Variants in COL26A1 observed in about 807,000 individuals in gnomAD.
COL26A1 encodes collagen type XXVI alpha 1 chain.
COL26A1 carries 41 observed loss-of-function variants against 59.3 expected under a neutral mutation model. The observed-to-expected ratio is 0.69, with a 90% CI of 0.54 to 0.90. The LOEUF (loss-of-function observed/expected upper bound fraction) is 0.90, where lower values mean the gene tolerates loss of function less well. COL26A1 is among the 40% of genes least tolerant of loss of function. The pLI is 0.00. For missense variants in COL26A1, 612 were observed against 602.3 expected (o/e 1.02, Z -0.17); for synonymous variants, 266 against 256.0 (o/e 1.04, Z -0.37).
At chr7:101,429,429 A>AT (rs139758467) in intron 2 of COL26A1, among the ~76,000 whole-genome samples, 2,636 of 149,666 alleles carry the variant, frequency 0.018, 68 homozygotes, top group African/African-American at 0.062. Flanking sequence ...TCATTTGGAC[A>AT]TTTTTTTTTC....
chr7:101,493,661 G>A (rs755629749), intron 3 of COL26A1, among the ~76,000 whole-genome samples: 3 of 150,204 alleles, frequency 2.0e-5, no homozygotes, highest in Non-Finnish European at 4.4e-5. Context: ...GGTAGCTCAC[G>A]CCTGTAATCC....
chr7:101,536,928 C>T (rs1294246486), intron 4 of COL26A1, among the ~76,000 whole-genome samples: 1 of 152,204 alleles, frequency 6.6e-6, no homozygotes, highest in Non-Finnish European at 1.5e-5. Context: ...TGAGGTGAAG[C>T]ACCCAAACAG....
chr7:101,432,638 A>G (rs1000528705), intron 2 of COL26A1, among the ~76,000 whole-genome samples: 1 of 152,178 alleles, frequency 6.6e-6, no homozygotes, highest in African/African-American at 2.4e-5. Context: ...AAGAAGCCAG[A>G]GCGAGAGGCA....
At chr7:101,402,322 C>T (rs1792027709) in intron 1 of COL26A1, among the ~76,000 whole-genome samples, 1 of 152,134 alleles carries the variant, frequency 6.6e-6, no homozygotes, top group South Asian at 2.1e-4. Context: ...ACACTGGGAA[C>T]CAGCCTCCCC....
chr7:101,446,046 C>CAA (rs60343304), intron 2 of COL26A1, among the ~76,000 whole-genome samples: 1,001 of 50,938 alleles, frequency 0.02, 43 homozygotes, highest in South Asian at 0.027. Flanking sequence ...GACTCCGTCT[C>CAA]AAAAAAAAAA....
At chr7:101,421,179 C>G (rs1182178387) in intron 2 of COL26A1, among the ~76,000 whole-genome samples, 1 of 152,070 alleles carries the variant, frequency 6.6e-6, no homozygotes, top group Non-Finnish European at 1.5e-5. Flanking sequence ...TGGAGACTGG[C>G]GATTATTCCA....
chr7:101,460,080 C>T (rs1297671288), intron 3 of COL26A1, among the ~76,000 whole-genome samples: 2 of 152,158 alleles, frequency 1.3e-5, no homozygotes, highest in Non-Finnish European at 2.9e-5. Context: ...CTGAGACTTG[C>T]CTTCCATAGC....
intron 3 of COL26A1, among the ~76,000 whole-genome samples, chr7:101,512,993 A>G (rs911577627): frequency 1.9e-4 from 24 of 127,000 alleles, no homozygotes; most frequent in African/African-American, 8.5e-4. Context: ...CCCTTTTTAC[A>G]ATTTTATTAT....
intron 8 of COL26A1, among the ~76,000 whole-genome samples, chr7:101,548,251 A>G (rs1439341439): frequency 6.6e-6 from 1 of 152,036 alleles, no homozygotes; most frequent in African/African-American, 2.4e-5. Context: ...ACAGCCCAAC[A>G]TGCGGCTCCC....
At chr7:101,487,139 A>G (rs1192793244) in intron 3 of COL26A1, among the ~76,000 whole-genome samples, 1 of 152,194 alleles carries the variant, frequency 6.6e-6, no homozygotes, top group African/African-American at 2.4e-5. Flanking sequence ...AGGAACCGGC[A>G]GCACCAGTGT....
At chr7:101,422,593 C>T (rs926237994) in intron 2 of COL26A1, among the ~76,000 whole-genome samples, 2 of 152,072 alleles carry the variant, frequency 1.3e-5, no homozygotes, top group African/African-American at 2.4e-5. Flanking sequence ...CCCTGACAGG[C>T]TGGGCTTTGG....
At chr7:101,536,050 C>T (rs761571949) in intron 4 of COL26A1, among the ~76,000 whole-genome samples, 7 of 152,176 alleles carry the variant, frequency 4.6e-5, no homozygotes, top group East Asian at 3.8e-4. Flanking sequence ...GACAAGGTCT[C>T]GTGCTATCTC....
At chr7:101,525,736 T>C (rs1475247676) in intron 3 of COL26A1, among the ~76,000 whole-genome samples, 1 of 152,276 alleles carries the variant, frequency 6.6e-6, no homozygotes, top group African/African-American at 2.4e-5. Flanking sequence ...GACCTCGTGA[T>C]CCGCCCACCT....
intron 1 of COL26A1, among the ~76,000 whole-genome samples, chr7:101,417,400 T>C (rs1584389457): frequency 6.8e-6 from 1 of 148,068 alleles, no homozygotes. Flanking sequence ...CTTTTTTCCA[T>C]CCCCCAAGAC....
At chr7:101,450,092 C>T (rs1793293389) in intron 3 of COL26A1, among the ~76,000 whole-genome samples, 1 of 148,178 alleles carries the variant, frequency 6.7e-6, no homozygotes, top group Admixed American at 6.7e-5. Context: ...CCTCTGTACT[C>T]CAGCCTGGAT....
At position 101,555,521 on chromosome 7, in the gene COL26A1, T is replaced by C. The variant is rs151066761; in HGVS notation, c.1081-266T>C. ...GACAGGTGTGGATCTGCAGTCTGGATCGGCCGCTTTGCCAGGCTGTGTGGC... is the reference window on the plus strand; with the variant it reads ...GACAGGTGTGGATCTGCAGTCTGGACCGGCCGCTTTGCCAGGCTGTGTGGC... On this transcript the variant is annotated intron_variant, in intron 11 of 12. Transcript: ENST00000313669. Among the ~76,000 whole-genome samples the C allele has an allele frequency of 7.6e-3, 1,159 of 151,576 alleles. 9 individuals carry two copies. Among genetic ancestry groups the C allele is most frequent in the Non-Finnish European group, 0.012 (794 of 67,848 alleles).
intron 1 of COL26A1, 83 bp downstream of exon 1, chr7:101,363,273 A>T: frequency 1.8e-6 from 2 of 1,092,174 alleles, no homozygotes; most frequent in Non-Finnish European, 1.2e-6. Flanking sequence ...GGCTGGAGCG[A>T]GGCTTGGGGG....
chr7:101,532,249 C>T (rs986710448), intron 3 of COL26A1, among the ~76,000 whole-genome samples: 9 of 152,118 alleles, frequency 5.9e-5, no homozygotes, highest in Admixed American at 5.2e-4. Flanking sequence ...CAGTCCCTCC[C>T]ACTTCCATCC....
intron 2 of COL26A1, among the ~76,000 whole-genome samples, chr7:101,426,404 A>G (rs1792649580): frequency 6.6e-6 from 1 of 152,146 alleles, no homozygotes; most frequent in Non-Finnish European, 1.5e-5. Flanking sequence ...TCAGCCATGA[A>G]GATCCTGGGA....
Sources: allele counts gnomAD v4.1 joint callset (sites outside exome capture counted in the v4.1 genomes callset), GRCh38; gene constraint gnomAD v4.1.1; transcripts MANE v1.5; gene names NCBI Gene and HGNC (gene_info 2026-07-23, HGNC 2026-07-21).